The following NLGN4Y variants were observed in gnomAD, a reference collection of about 807,000 sequenced individuals.
NLGN4Y encodes neuroligin-4, Y-linked.
In NLGN4Y, 4 loss-of-function variants were observed where a neutral mutation model predicts 8.4. That is an observed-to-expected ratio of 0.48 (90% CI 0.23 to 1.09). NLGN4Y has a LOEUF of 1.09. Ranked by LOEUF, NLGN4Y falls within the 50% of genes least tolerant of loss-of-function variation. The pLI, the probability that NLGN4Y is intolerant of heterozygous loss-of-function variation, is 0.19. For synonymous variants in NLGN4Y, 35 were observed against 75.6 expected (o/e 0.46, Z 2.78); for missense variants, 90 against 192.3 (o/e 0.47, Z 3.15).
At chrY:14,549,409 C>T in intron 1 of NLGN4Y, among the ~76,000 whole-genome samples, 1 of 33,052 alleles carries the variant, frequency 3.0e-5, no homozygotes, top group East Asian at 8.0e-4. Flanking sequence ...AATTCATCAA[C>T]AAGTGTCCAC....
At chrY:14,545,779 G>A (rs1023715571) in intron 1 of NLGN4Y, among the ~76,000 whole-genome samples, 4 of 33,185 alleles carry the variant, frequency 1.2e-4, no homozygotes, top group African/African-American at 2.4e-4. Context: ...AAGTTCTTTC[G>A]TTTAATTAGA....
intron 2 of NLGN4Y, among the ~76,000 whole-genome samples, chrY:14,667,770 G>T (rs2080697597): frequency 2.9e-5 from 1 of 34,017 alleles, no homozygotes; most frequent in African/African-American, 1.1e-4. Flanking sequence ...CCTCACCTTT[G>T]ATACAAAGAC....
chrY:14,782,798 C>T, intron 4 of NLGN4Y, among the ~76,000 whole-genome samples: 1 of 33,887 alleles, frequency 3.0e-5, no homozygotes, highest in African/African-American at 1.2e-4. Flanking sequence ...GTGAGGATCT[C>T]TTTCAACAGA....
At chrY:14,580,998 G>T in intron 1 of NLGN4Y, among the ~76,000 whole-genome samples, 1 of 31,002 alleles carries the variant, frequency 3.2e-5, no homozygotes, top group African/African-American at 1.3e-4. Context: ...AGCCTTGGAG[G>T]TCATGGCTGC....
intron 4 of NLGN4Y, among the ~76,000 whole-genome samples, chrY:14,734,157 C>T: frequency 3.0e-5 from 1 of 33,378 alleles, no homozygotes; most frequent in East Asian, 8.2e-4. Flanking sequence ...CCCTAGAAAT[C>T]CAGTCATTCA....
At chrY:14,680,743 G>A in intron 2 of NLGN4Y, among the ~76,000 whole-genome samples, 1 of 33,158 alleles carries the variant, frequency 3.0e-5, no homozygotes, top group Non-Finnish European at 7.4e-5. Context: ...TCTCCATGTG[G>A]GTTAATCTAA....
chrY:14,687,999 C>T (rs2080797583), intron 2 of NLGN4Y, among the ~76,000 whole-genome samples: 1 of 32,764 alleles, frequency 3.1e-5, no homozygotes, highest in Non-Finnish European at 7.5e-5. Context: ...GGTTTTTTAA[C>T]ACATTTGAAA....
chrY:14,585,376 G>T (rs2080336380), intron 1 of NLGN4Y, among the ~76,000 whole-genome samples: 1 of 32,902 alleles, frequency 3.0e-5, no homozygotes, highest in Non-Finnish European at 7.4e-5. Flanking sequence ...ATGGGATTGG[G>T]ATTTTTGATG....
intron 6 of NLGN4Y, among the ~76,000 whole-genome samples, chrY:14,837,580 A>G: frequency 3.0e-5 from 1 of 33,412 alleles, no homozygotes; most frequent in Non-Finnish European, 7.4e-5. Flanking sequence ...ATAAAAACTA[A>G]AAAAATAAAA....
chrY:14,649,004 C>CA (rs2080619807), intron 2 of NLGN4Y, among the ~76,000 whole-genome samples: 291 of 17,042 alleles, frequency 0.017, no homozygotes, highest in Middle Eastern at 0.16. Context: ...GAACCTGTCT[C>CA]AAAAAAAAAA....
intron 3 of NLGN4Y, among the ~76,000 whole-genome samples, chrY:14,721,501 G>C: frequency 9.2e-5 from 3 of 32,739 alleles, no homozygotes. Flanking sequence ...ATAAATACTC[G>C]GGTAACTTGA....
chrY:14,684,465 C>T (rs752296780), intron 2 of NLGN4Y, among the ~76,000 whole-genome samples: 15 of 32,650 alleles, frequency 4.6e-4, no homozygotes, highest in African/African-American at 1.8e-3. Flanking sequence ...CTTGCACTCA[C>T]GGTGGAAGGT....
intron 4 of NLGN4Y, among the ~76,000 whole-genome samples, chrY:14,733,054 C>A: frequency 9.0e-5 from 3 of 33,258 alleles, no homozygotes; most frequent in African/African-American, 3.5e-4. Context: ...TAAAACCCTA[C>A]TCATGCAGTG....
intron 2 of NLGN4Y, among the ~76,000 whole-genome samples, chrY:14,705,506 C>A (rs1603502999): frequency 6.0e-5 from 2 of 33,352 alleles, no homozygotes; most frequent in East Asian, 1.6e-3. Context: ...AGAATCTGAA[C>A]AAAATGCAGG....
chrY:14,806,837 G>GA (rs769844931), intron 4 of NLGN4Y, among the ~76,000 whole-genome samples: 3,013 of 27,833 alleles, frequency 0.11, no homozygotes, highest in Non-Finnish European at 0.18. Context: ...CCTGCTTAGA[G>GA]AAAAAAAAAA....
chrY:14,609,763 G>T (rs2080459783), intron 1 of NLGN4Y, among the ~76,000 whole-genome samples: 1 of 33,357 alleles, frequency 3.0e-5, no homozygotes, highest in Non-Finnish European at 7.4e-5. Context: ...TTTTTCTATT[G>T]TTTGGAATCA....
At chrY:14,561,054 G>A (rs2080225607) in intron 1 of NLGN4Y, among the ~76,000 whole-genome samples, 1 of 32,931 alleles carries the variant, frequency 3.0e-5, no homozygotes, top group South Asian at 6.8e-4. Context: ...CCTACATTGA[G>A]AGGTAACTGT....
At chrY:14,657,644 C>A in intron 2 of NLGN4Y, among the ~76,000 whole-genome samples, 1 of 33,378 alleles carries the variant, frequency 3.0e-5, no homozygotes, top group Non-Finnish European at 7.4e-5. Context: ...TGCACACACA[C>A]TTTCCATATT....
chrY:14,670,407 T>G, intron 2 of NLGN4Y, among the ~76,000 whole-genome samples: 1 of 34,086 alleles, frequency 2.9e-5, no homozygotes, highest in Admixed American at 2.7e-4. Context: ...GTTATTTTAG[T>G]TCACTTTATT....
Sources: allele counts gnomAD v4.1 joint callset (sites outside exome capture counted in the v4.1 genomes callset), GRCh38; gene constraint gnomAD v4.1.1; transcripts MANE v1.5; gene names NCBI Gene and HGNC (gene_info 2026-07-23, HGNC 2026-07-21).